Variants in ABCA12 observed in about 807,000 individuals in gnomAD.
The protein encoded by ABCA12 is ATP binding cassette subfamily A member 12, also known as glucosylceramide transporter ABCA12.
Under a neutral mutation model 293.5 loss-of-function variants are expected in ABCA12, and 156 were observed. The observed-to-expected ratio is 0.53, with a 90% CI of 0.47 to 0.61. ABCA12 has a LOEUF of 0.61. Among genes scored for constraint, ABCA12 ranks in the 20% least tolerant of loss-of-function variants. The pLI is 0.00. For synonymous variants in ABCA12, 1,063 were observed against 1,108.0 expected (o/e 0.96, Z 0.81); for missense variants, 2,797 against 3,090.2 (o/e 0.91, Z 2.25).
Position 215,026,921 on chromosome 2 carries a change from T to C in ABCA12, c.1079A>G (p.Asn360Ser). 3 of 1,601,358 alleles carry C rather than the reference T, an allele frequency of 1.9e-6. No individual in the cohort carries two copies. The highest frequency in any genetic ancestry group is 2.6e-6 in the Non-Finnish European group (3 of 1,168,440). Residue 360 changes from asparagine (N) to serine (S), a missense_variant, in exon 10 of 53, where the codon AAC becomes AGC. Coordinates refer to ENST00000272895, the MANE Select transcript of ABCA12 (RefSeq NM_173076.3). Reference protein sequence around the residue: ...SLAAQLLILENFEDALLNISA... With the variant: ...SLAAQLLILESFEDALLNISA... ...TATATTTAAGAGGGCATCTTCAAAG[T>C]TTTCCAGAATTAGGAGCCTGCAGAA...
At chr2:214,935,952 T>A (rs1239418729) in intron 51 of ABCA12, among the ~76,000 whole-genome samples, 2 of 152,162 alleles carry the variant, frequency 1.3e-5, no homozygotes, top group Admixed American at 1.3e-4. Flanking sequence ...CACTTCAAAT[T>A]AACATTGTGC....
chr2:214,958,241 T>C, intron 41 of ABCA12, 36 bp downstream of exon 41: 1 of 1,613,014 alleles, frequency 6.2e-7, no homozygotes, highest in Non-Finnish European at 8.5e-7. Flanking sequence ...CAAATTGATC[T>C]TTTATTCCCT....
intron 1 of ABCA12, among the ~76,000 whole-genome samples, chr2:215,112,928 C>T (rs1272300950): frequency 6.6e-6 from 1 of 152,168 alleles, no homozygotes; most frequent in East Asian, 1.9e-4. Context: ...GCTCCAGAAC[C>T]ATGAAAAACA....
At position 215,114,137 on chromosome 2, in the gene ABCA12, G is replaced by T. The variant is rs191574168; in HGVS notation, c.70-2447C>A. 3.4e-3 allele frequency among the ~76,000 whole-genome samples: 511 copies of T among 152,190 alleles called. 5 individuals are homozygous for T. The highest frequency in any genetic ancestry group is 4.4e-3 in the Non-Finnish European group (298 of 68,014). ...CTACAGGCACATGCCACCATGCCCA[G>T]CTAATTTTTGTATTTTTAGTAGAGA... On this transcript the variant is annotated intron_variant, in intron 1 of 52. Coordinates refer to ENST00000272895, the MANE Select transcript of ABCA12 (RefSeq NM_173076.3).
chr2:215,018,492 T>G (rs1041612639), intron 13 of ABCA12, among the ~76,000 whole-genome samples: 2 of 152,178 alleles, frequency 1.3e-5, no homozygotes, highest in African/African-American at 4.8e-5. Flanking sequence ...ATTCAATATG[T>G]TTTTTTAATC....
chr2:214,940,664 GA>G (rs745621158), intron 50 of ABCA12, among the ~76,000 whole-genome samples: 26 of 152,034 alleles, frequency 1.7e-4, no homozygotes, highest in Non-Finnish European at 3.2e-4. Flanking sequence ...TTGGTCTATT[GA>G]GGGATTTGAC....
chr2:214,978,581 G>C, intron 32 of ABCA12, 115 bp from the exon 33 acceptor site: 1 of 1,326,030 alleles, frequency 7.5e-7, no homozygotes, highest in Non-Finnish European at 1.1e-6. Context: ...AATTTTTCCC[G>C]TCTGACTTCA....
intron 33 of ABCA12, among the ~76,000 whole-genome samples, chr2:214,978,091 C>G (rs909199581): frequency 3.9e-5 from 6 of 152,106 alleles, no homozygotes; most frequent in African/African-American, 1.2e-4. Flanking sequence ...ACCATGCTAT[C>G]AAGAGAGTTC....
chr2:215,074,209 GT>G (rs1701791714), intron 2 of ABCA12, among the ~76,000 whole-genome samples: 1 of 152,086 alleles, frequency 6.6e-6, no homozygotes, highest in Admixed American at 6.5e-5. Flanking sequence ...TTGAAAAGTT[GT>G]TTTTCCCCCT....
At chr2:215,106,219 C>G (rs1003229249) in intron 2 of ABCA12, among the ~76,000 whole-genome samples, 1 of 152,202 alleles carries the variant, frequency 6.6e-6, no homozygotes, top group Non-Finnish European at 1.5e-5. Flanking sequence ...CTCTTCTTAA[C>G]AATTCGGGCG....
intron 41 of ABCA12, among the ~76,000 whole-genome samples, chr2:214,957,313 G>A (rs1698981020): frequency 6.6e-6 from 1 of 152,168 alleles, no homozygotes; most frequent in Non-Finnish European, 1.5e-5. Context: ...ATTAAATGCT[G>A]AGGAGTTTGC....
intron 36 of ABCA12, among the ~76,000 whole-genome samples, chr2:214,972,003 AC>A (rs1346045397): frequency 6.6e-6 from 1 of 152,036 alleles, no homozygotes; most frequent in African/African-American, 2.4e-5. Context: ...GTCCCTGATG[AC>A]TACCTTTTTA....
rs187537305 is a variant in ABCA12 at position 214,953,762 on chromosome 2, C to T, written c.6647+92G>A. ...TTTGAGCCAAACATTTCCATATTACCAATGGAAAAGCTTAGACTATTGACT... is the reference window on the plus strand; with the variant it reads ...TTTGAGCCAAACATTTCCATATTACTAATGGAAAAGCTTAGACTATTGACT... On this transcript the variant is annotated intron_variant, in intron 44 of 52. Coordinates refer to ENST00000272895, the MANE Select transcript of ABCA12 (RefSeq NM_173076.3). 5 of 1,457,602 alleles carry T rather than the reference C, an allele frequency of 3.4e-6. No homozygotes were observed. In the East Asian group the frequency reaches 7.2e-5, roughly 21 times the overall value. The allele number at this position is 1,457,602 out of a possible 1,614,324, so 90.3% of individuals were successfully genotyped here. A position where few individuals can be genotyped will look rare whatever the true frequency, so the allele number is the denominator to read the frequency against.
chr2:214,949,017 A>C (rs762778525), intron 46 of ABCA12, 23 bp downstream of exon 46: 1 of 1,562,994 alleles, frequency 6.4e-7, no homozygotes, highest in Admixed American at 1.7e-5. Context: ...TACTCGCTAA[A>C]TTGAAGCATT....
rs1303033734 is a variant in ABCA12 at position 214,955,226 on chromosome 2, A to C, written c.6369T>G (p.Leu2123=). The C allele has an allele frequency of 1.2e-6, 2 of 1,614,044 alleles. No homozygotes were observed. The highest frequency in any genetic ancestry group is 4.5e-5 in the East Asian group (2 of 44,880). ...SIVSLSVVYF[L]SKEKPNDPTL... is the part of the protein sequence containing the mutation. ...CCGGATCATTAGGCTTTTCCTTGGA[A>C]AGAAAGTATACCACTGACAGGGAAA... Residue 2123 remains leucine, a synonymous_variant, in exon 43 of 53, where the codon CTT becomes CTG. Transcript: ENST00000272895.
intron 6 of ABCA12, among the ~76,000 whole-genome samples, chr2:215,048,540 C>CAA (rs61442339): frequency 0.18 from 25,229 of 143,780 alleles, 2,358 homozygotes; most frequent in East Asian, 0.38. Flanking sequence ...ACTAATAATA[C>CAA]AAAAAAAAAA....
chr2:215,099,135 T>C (rs537007494), intron 2 of ABCA12, among the ~76,000 whole-genome samples: 5 of 152,340 alleles, frequency 3.3e-5, no homozygotes, highest in African/African-American at 1.2e-4. Context: ...AAAGGATAGT[T>C]TCTGCCTATC....
chr2:215,010,344 G>C lies in ABCA12; in HGVS notation c.2459C>G (p.Ala820Gly). The part of the protein sequence containing the change: ...LYAPYNPVTK[A>G]IMEKSNVTLR... The stretch of plus-strand genomic sequence containing the variant: ...TAATGGTCAAACCTTTTCCATTATT[G>C]CCTTTGTGACTGGGTTATATGGTGC... Residue 820 changes from alanine (A) to glycine (G), a missense_variant, in exon 18 of 53, where the codon GCA (alanine) becomes GGA (glycine). Physicochemically the swap from Ala to Gly is moderately conservative, Grantham distance 60 (BLOSUM62 0). This residue lies in a region of ABCA12 where 2,130 missense variants were observed against 2,427.0 expected (regional missense o/e 0.88). Transcript: ENST00000272895. 6.2e-7 allele frequency: 1 copy of C among 1,613,632 alleles called. No individual in the cohort carries two copies. Among genetic ancestry groups the C allele is most frequent in the Non-Finnish European group, 8.5e-7 (1 of 1,179,682 alleles).
At chr2:215,064,659 A>G (rs1182277675) in intron 2 of ABCA12, among the ~76,000 whole-genome samples, 4 of 151,820 alleles carry the variant, frequency 2.6e-5, no homozygotes, top group Non-Finnish European at 4.4e-5. Flanking sequence ...ATCAGAAAAC[A>G]GATGAACAGA....
Sources: gnomAD v4.1 joint callset for allele counts (sites outside exome capture counted in the v4.1 genomes callset) on GRCh38, gnomAD v4.1.1 for gene constraint, gnomAD v4.1.1 regional missense constraint, MANE v1.5 for transcripts, NCBI Gene and HGNC (gene_info 2026-07-23, HGNC 2026-07-21) for gene names.